SPSB4: variants seen among roughly 807,000 people sequenced by gnomAD.
SPSB4 encodes SPRY domain-containing SOCS box protein 4.
Under a neutral mutation model 20.9 loss-of-function variants are expected in SPSB4, and 21 were observed. That is an observed-to-expected ratio of 1.01 (90% CI 0.71 to 1.45). The LOEUF is 1.45. Among genes scored for constraint, SPSB4 ranks in the 40% most tolerant of loss-of-function variants. The probability of loss-of-function intolerance (pLI) is 0.00; values close to 1 mark genes in which losing one functional copy is unlikely to be tolerated. For missense variants in SPSB4, 399 were observed against 399.2 expected (o/e 1.00, Z 0.00); for synonymous variants, 207 against 183.8 (o/e 1.13, Z -1.02).
intron 2 of SPSB4, among the ~76,000 whole-genome samples, chr3:141,135,099 C>CA (rs1220031287): frequency 6.6e-6 from 1 of 151,988 alleles, no homozygotes; most frequent in Non-Finnish European, 1.5e-5. Flanking sequence ...ATCTCACCCC[C>CA]AAGTAACCAC....
At chr3:141,089,024 CA>C (rs1170606159) in intron 2 of SPSB4, among the ~76,000 whole-genome samples, 1 of 152,188 alleles carries the variant, frequency 6.6e-6, no homozygotes, top group Non-Finnish European at 1.5e-5. Flanking sequence ...CTGAACTTAC[CA>C]GTGTGCAACT....
chr3:141,083,684 G>T (rs537295013), intron 2 of SPSB4, among the ~76,000 whole-genome samples: 3 of 152,214 alleles, frequency 2.0e-5, no homozygotes, highest in Admixed American at 6.5e-5. Flanking sequence ...CTTTCTGGAG[G>T]CTCCGAGCAA....
At chr3:141,116,813 T>C (rs1938887014) in intron 2 of SPSB4, among the ~76,000 whole-genome samples, 1 of 152,216 alleles carries the variant, frequency 6.6e-6, no homozygotes, top group South Asian at 2.1e-4. Flanking sequence ...AAGAGTCCAG[T>C]AAGAGCACTC....
At chr3:141,135,651 T>G (rs1214536712) in intron 2 of SPSB4, among the ~76,000 whole-genome samples, 4 of 152,062 alleles carry the variant, frequency 2.6e-5, no homozygotes, top group Non-Finnish European at 4.4e-5. Flanking sequence ...CTTCATCCAT[T>G]TCCCTACAAA....
chr3:141,128,324 C>T (rs976704772), intron 2 of SPSB4, among the ~76,000 whole-genome samples: 3 of 152,022 alleles, frequency 2.0e-5, no homozygotes, highest in African/African-American at 4.8e-5. Context: ...GTCATCAGGG[C>T]GTGACAGGTG....
chr3:141,062,620 A>G (rs927019579), intron 1 of SPSB4, among the ~76,000 whole-genome samples: 1 of 152,110 alleles, frequency 6.6e-6, no homozygotes, highest in Non-Finnish European at 1.5e-5. Flanking sequence ...CAATTTCTAT[A>G]TGGATTTCTT....
chr3:141,145,128 G>A (rs763348054), intron 2 of SPSB4, among the ~76,000 whole-genome samples: 9 of 151,206 alleles, frequency 6.0e-5, no homozygotes, highest in South Asian at 2.1e-4. Context: ...TATGAGGATC[G>A]ATATACTGTC....
chr3:141,069,975 A>G (rs1396195632), intron 2 of SPSB4, among the ~76,000 whole-genome samples: 2 of 152,222 alleles, frequency 1.3e-5, no homozygotes, highest in African/African-American at 4.8e-5. Context: ...GTATTCACTG[A>G]GGGCACGAAC....
chr3:141,124,660 T>A (rs1053469387), intron 2 of SPSB4, among the ~76,000 whole-genome samples: 2 of 152,108 alleles, frequency 1.3e-5, no homozygotes, highest in Non-Finnish European at 2.9e-5. Flanking sequence ...TAGATTGGGC[T>A]TGGAGAGCAG....
chr3:141,141,621 T>C (rs1404994644), intron 2 of SPSB4, among the ~76,000 whole-genome samples: 3 of 152,242 alleles, frequency 2.0e-5, no homozygotes, highest in Admixed American at 2.0e-4. Flanking sequence ...GAAAGATTAG[T>C]ACCAATTCTT....
chr3:141,106,338 C>T (rs1938689703), intron 2 of SPSB4, among the ~76,000 whole-genome samples: 1 of 152,006 alleles, frequency 6.6e-6, no homozygotes. Flanking sequence ...GCAGCACCTC[C>T]TCCTCTAAGT....
intron 2 of SPSB4, among the ~76,000 whole-genome samples, chr3:141,106,459 A>G (rs1368308851): frequency 6.6e-6 from 1 of 152,204 alleles, no homozygotes; most frequent in African/African-American, 2.4e-5. Context: ...CTTTCTCACC[A>G]GACCAGAGAC....
intron 2 of SPSB4, among the ~76,000 whole-genome samples, chr3:141,110,825 A>G (rs1938784955): frequency 6.6e-6 from 1 of 152,250 alleles, no homozygotes; most frequent in African/African-American, 2.4e-5. Flanking sequence ...ATCATTGCTC[A>G]GAGGGCAAGA....
chr3:141,137,771 A>G (rs533577170), intron 2 of SPSB4, among the ~76,000 whole-genome samples: 3 of 152,356 alleles, frequency 2.0e-5, no homozygotes, highest in South Asian at 4.1e-4. Flanking sequence ...ATCAATGTTC[A>G]TCAAGGATAT....
intron 2 of SPSB4, among the ~76,000 whole-genome samples, chr3:141,101,595 T>C (rs1459065515): frequency 6.6e-6 from 1 of 152,200 alleles, no homozygotes; most frequent in Non-Finnish European, 1.5e-5. Context: ...AAAGTTCTCC[T>C]AAGGATTAAA....
At chr3:141,139,591 A>G (rs1286306078) in intron 2 of SPSB4, among the ~76,000 whole-genome samples, 2 of 152,174 alleles carry the variant, frequency 1.3e-5, no homozygotes, top group Non-Finnish European at 2.9e-5. Context: ...TCCTTCACTT[A>G]TGAAGCTTAG....
At chr3:141,115,483 C>A (rs1192671209) in intron 2 of SPSB4, 1 of 152,194 alleles carries the variant, frequency 6.6e-6, no homozygotes, top group East Asian at 1.9e-4. Context: ...ATGCCCCCTG[C>A]CCATAGCTTA....
At chr3:141,137,973 T>C (rs1939256265) in intron 2 of SPSB4, among the ~76,000 whole-genome samples, 1 of 152,098 alleles carries the variant, frequency 6.6e-6, no homozygotes, top group South Asian at 2.1e-4. Context: ...CTGGACTTTT[T>C]TTGGTTGGTA....
intron 2 of SPSB4, among the ~76,000 whole-genome samples, chr3:141,104,014 GC>G (rs1474255281): frequency 2.0e-5 from 3 of 152,160 alleles, no homozygotes; most frequent in Non-Finnish European, 4.4e-5. Context: ...TGTTGAGAAA[GC>G]TTTCCCCAAC....
Sources: gnomAD v4.1 joint callset for allele counts (sites outside exome capture counted in the v4.1 genomes callset) on GRCh38, gnomAD v4.1.1 for gene constraint, MANE v1.5 for transcripts, NCBI Gene and HGNC (gene_info 2026-07-23, HGNC 2026-07-21) for gene names.